PCDHA2: variants seen among roughly 807,000 people sequenced by gnomAD.
The protein encoded by PCDHA2 is protocadherin alpha 2.
A neutral mutation model predicts 66.0 loss-of-function variants in PCDHA2; 58 were observed. That is an observed-to-expected ratio of 0.88 (90% confidence interval 0.71 to 1.09). The LOEUF is 1.09. Ranked by LOEUF, PCDHA2 falls within the 50% of genes least tolerant of loss-of-function variation. The probability of loss-of-function intolerance (pLI) is 0.00; values close to 1 mark genes in which losing one functional copy is unlikely to be tolerated. For missense variants in PCDHA2, 1,267 were observed against 1,242.3 expected, an observed-to-expected ratio of 1.02 and a Z score of -0.30; for synonymous variants, 634 against 554.0, an observed-to-expected ratio of 1.14 and a Z score of -2.03.
chr5:141,010,381 T>C lies in PCDHA2; in HGVS notation c.*444T>C. On this transcript the variant is annotated 3_prime_UTR_variant, in exon 4 of 4. Transcript: ENST00000526136. ...ACCGCGGGTATGCGAGTGCCAGATA[T>C]TGGCTGAGACGAGCCAGCTTAGACT... 2.8e-6 allele frequency: 4 copies of C among 1,442,848 alleles called. No homozygotes were observed. The highest frequency in any genetic ancestry group is 2.8e-6 in the Non-Finnish European group (3 of 1,086,990). The allele number at this position is 1,442,848 out of a possible 1,614,324, so 89.4% of individuals were successfully genotyped here.
intron 1 of PCDHA2, chr5:140,835,829 G>C: frequency 6.2e-7 from 1 of 1,612,474 alleles, no homozygotes; most frequent in Non-Finnish European, 8.5e-7. Context: ...CGGGGGACGC[G>C]GACGCGCAGA....
intron 1 of PCDHA2, chr5:140,867,234 G>T (rs782656807): frequency 2.0e-5 from 3 of 152,032 alleles, no homozygotes; most frequent in African/African-American, 4.8e-5. Context: ...CCATAATAAG[G>T]TGATTGAGGA....
At chr5:140,926,972 C>A (rs782504064) in intron 1 of PCDHA2, 2 of 1,609,464 alleles carry the variant, frequency 1.2e-6, no homozygotes. Flanking sequence ...TACTCAGTGC[C>A]GGAGGAGACG....
intron 3 of PCDHA2, among the ~76,000 whole-genome samples, chr5:141,008,259 T>G (rs986818585): frequency 3.3e-5 from 5 of 152,202 alleles, no homozygotes; most frequent in Non-Finnish European, 7.3e-5. Context: ...TAGAGGAGAC[T>G]GAGAAGTAAT....
chr5:140,843,464 C>T lies in PCDHA2; in HGVS notation c.2388+46112C>T. On this transcript the variant is annotated intron_variant, in intron 1 of 3. Transcript: ENST00000526136. ...GGTATCCAGCCTGCTGGTGCTCACG[C>T]TGCTGCTGTACACTGCGCTGCGGTG... 3.1e-6 allele frequency: 5 copies of T among 1,596,058 alleles called. 1 individual carries two copies. The highest frequency in any genetic ancestry group is 4.3e-6 in the Non-Finnish European group (5 of 1,165,644).
chr5:140,821,771 T>C (rs2150110539), intron 1 of PCDHA2: 390 of 1,602,920 alleles, frequency 2.4e-4, no homozygotes, highest in Non-Finnish European at 3.2e-4. Flanking sequence ...TGGAACGAGA[T>C]TGAGATGGTA....
At chr5:140,958,995 T>G (rs868959473) in intron 1 of PCDHA2, among the ~76,000 whole-genome samples, 1 of 152,148 alleles carries the variant, frequency 6.6e-6, no homozygotes, top group African/African-American at 2.4e-5. Flanking sequence ...TGCTAATCTT[T>G]TACTGTACCT....
chr5:140,849,684 C>A (rs782599904), intron 1 of PCDHA2: 2 of 1,598,734 alleles, frequency 1.3e-6, no homozygotes, highest in Non-Finnish European at 8.6e-7. Flanking sequence ...CCCCTTCAAG[C>A]TGGTGTCCAC....
intron 1 of PCDHA2, among the ~76,000 whole-genome samples, chr5:140,965,010 C>T (rs1160052537): frequency 5.9e-5 from 9 of 152,154 alleles, no homozygotes; most frequent in Admixed American, 3.9e-4. Flanking sequence ...GTGTCAGGAT[C>T]ACAACCTTGG....
At position 140,877,889 on chromosome 5, in the gene PCDHA2, G is replaced by A. The variant is rs904032241; in HGVS notation, c.2388+80537G>A. On this transcript the variant is annotated intron_variant, in intron 1 of 3. Coordinates refer to ENST00000526136, the MANE Select transcript of PCDHA2 (RefSeq NM_018905.3). ...ATATTTGTTTCCTTGAAGAACTTCC[G>A]TTTAGGTTATAACTACATTCTCTCA... 3.3e-5 allele frequency: 48 copies of A among 1,457,998 alleles called. No homozygotes were observed. The African/African-American group carries it at 6.0e-4, about 18-fold the overall frequency. 90.3% of individuals were successfully genotyped at this position (1,457,998 alleles called of 1,614,324 possible). A position where few individuals can be genotyped will look rare whatever the true frequency, so the allele number is the denominator to read the frequency against.
At chr5:140,808,448 T>C (rs1554124549) in intron 1 of PCDHA2, 6 of 1,614,100 alleles carry the variant, frequency 3.7e-6, no homozygotes, top group Middle Eastern at 1.7e-4. Context: ...CGTGTCAGCC[T>C]ATGAGCTGGT....
intron 3 of PCDHA2, among the ~76,000 whole-genome samples, chr5:141,000,397 A>C (rs590627): frequency 0.074 from 4,330 of 58,694 alleles, 135 homozygotes; most frequent in Non-Finnish European, 0.096. Flanking sequence ...CTCTCTCTCT[A>C]TATATATATA....
At chr5:141,000,415 A>ATT (rs1563651650) in intron 3 of PCDHA2, among the ~76,000 whole-genome samples, 4 of 87,388 alleles carry the variant, frequency 4.6e-5, no homozygotes, top group African/African-American at 1.5e-4. Flanking sequence ...ATATATATAT[A>ATT]TATATATTTT....
In PCDHA2 at chr5:140,848,538, C is replaced by T. The variant is rs1354116035; in HGVS notation, c.2388+51186C>T. 7 of 1,595,202 alleles carry T rather than the reference C, an allele frequency of 4.4e-6. No individual in the cohort carries two copies. The Admixed American group carries it at 1.0e-4, about 23-fold the overall frequency. ...AGGAGATCCAGAGGGTCAGCCTCTA[C>T]TGCTCTCGCTTCTGATCCTCGCAAT... is the stretch of plus-strand genomic sequence containing the variant. On this transcript the variant is annotated intron_variant, in intron 1 of 3. Transcript: ENST00000526136.
At chr5:140,801,149 A>C in intron 1 of PCDHA2, 3 of 1,529,906 alleles carry the variant, frequency 2.0e-6, no homozygotes, top group Non-Finnish European at 2.6e-6. Context: ...AATTATTTTT[A>C]AACTTTGGAT....
chr5:140,941,185 C>CTTT (rs782102770), intron 1 of PCDHA2, among the ~76,000 whole-genome samples: 77 of 102,238 alleles, frequency 7.5e-4, no homozygotes, highest in Admixed American at 3.0e-3. Flanking sequence ...CATCCTGCTT[C>CTTT]TTTTTTTTTC....
chr5:140,941,894 T>G (rs1398323055), intron 1 of PCDHA2, among the ~76,000 whole-genome samples: 2 of 152,230 alleles, frequency 1.3e-5, no homozygotes, highest in African/African-American at 4.8e-5. Context: ...AGCATCTAAG[T>G]AACATTGAAA....
chr5:140,850,812 A>C, intron 1 of PCDHA2: 1 of 1,598,316 alleles, frequency 6.3e-7, no homozygotes, highest in Non-Finnish European at 8.6e-7. Flanking sequence ...CATGGCCTTC[A>C]GCCCGGGCCT....
intron 1 of PCDHA2, chr5:140,800,988 T>C: frequency 7.3e-7 from 1 of 1,373,860 alleles, no homozygotes; most frequent in Non-Finnish European, 9.4e-7. Flanking sequence ...ATTTAATACT[T>C]ACACGTTTAG....
Sources: gnomAD v4.1 joint callset for allele counts (sites outside exome capture counted in the v4.1 genomes callset) on GRCh38, gnomAD v4.1.1 for gene constraint, MANE v1.5 for transcripts, NCBI Gene and HGNC (gene_info 2026-07-23, HGNC 2026-07-21) for gene names.